CCDC174: variants seen among roughly 807,000 people sequenced by gnomAD.
The protein encoded by CCDC174 is coiled-coil domain containing 174, also known as coiled-coil domain-containing protein 174.
CCDC174 carries 37 observed loss-of-function variants against 57.1 expected under a neutral mutation model. The ratio of observed to expected loss-of-function variants is 0.65; its 90% CI spans 0.50 to 0.85. The LOEUF is 0.85. Among genes scored for constraint, CCDC174 ranks in the 40% least tolerant of loss-of-function variants. The pLI, the probability that CCDC174 is intolerant of heterozygous loss-of-function variation, is 0.00. For missense variants in CCDC174, 540 were observed against 574.3 expected, an observed-to-expected ratio of 0.94 and a Z score of 0.61; for synonymous variants, 182 against 190.2, an observed-to-expected ratio of 0.96 and a Z score of 0.35.
intron 8 of CCDC174, 187 bp from the exon 9 acceptor site, chr3:14,667,862 G>C (rs531494161): frequency 3.3e-6 from 2 of 599,866 alleles, no homozygotes; most frequent in African/African-American, 3.7e-5. Flanking sequence ...ATGAAACTTT[G>C]TAAGACATCA....
At chr3:14,664,356 A>G (rs894925301) in intron 5 of CCDC174, among the ~76,000 whole-genome samples, 23 of 152,206 alleles carry the variant, frequency 1.5e-4, no homozygotes, top group African/African-American at 5.5e-4. Context: ...GTCATAATAC[A>G]AATGAGATGT....
intron 4 of CCDC174, 81 bp from the exon 5 acceptor site, chr3:14,661,449 G>T (rs1161024846): frequency 3.3e-6 from 4 of 1,215,432 alleles, no homozygotes; most frequent in Non-Finnish European, 4.7e-6. Flanking sequence ...GGGGCCACCA[G>T]GCAATGAATG....
chr3:14,669,787 C>T (rs1283927111), intron 9 of CCDC174, 147 bp from the exon 10 acceptor site: 1 of 694,076 alleles, frequency 1.4e-6, no homozygotes, highest in Non-Finnish European at 2.4e-6. Flanking sequence ...CTGTTGTATA[C>T]AAAAGACTTA....
intron 9 of CCDC174, among the ~76,000 whole-genome samples, chr3:14,669,398 G>A (rs746724955): frequency 1.3e-5 from 2 of 152,196 alleles, no homozygotes; most frequent in Non-Finnish European, 2.9e-5. Context: ...CTGAACATCT[G>A]TCATGTCCAG....
chr3:14,653,161 G>A (rs988452941), intron 1 of CCDC174, among the ~76,000 whole-genome samples: 3 of 152,184 alleles, frequency 2.0e-5, no homozygotes, highest in African/African-American at 7.2e-5. Flanking sequence ...TTGAAGATCA[G>A]GAACCAGAAA....
At chr3:14,661,482 T>C (rs1559381023) in intron 4 of CCDC174, 48 bp from the exon 5 acceptor site, 4 of 1,517,210 alleles carry the variant, frequency 2.6e-6, no homozygotes, top group Admixed American at 3.8e-5. Context: ...GTCCATTCCA[T>C]GTGTGATTTT....
Position 14,665,038 on chromosome 3 carries a change from G to C in CCDC174, c.496G>C (p.Val166Leu). ...TTGCTTTCATTTCAGGGTGGATTAC[G>C]TGGACTCTTTGGGGCGTTCCCGGCG... is the stretch of plus-strand genomic sequence containing the variant. ...QDPSEEWVDY[V>L]DSLGRSRRCM... The change falls in exon 6 of 11, where the codon GTG (valine) becomes CTG (leucine). Residue 166 changes from valine to leucine, a missense_variant. Coordinates refer to ENST00000383794, the MANE Select transcript of CCDC174 (RefSeq NM_016474.5). 1 of 1,613,460 alleles carries C rather than the reference G, an allele frequency of 6.2e-7. No homozygotes were observed. Among genetic ancestry groups the C allele is most frequent in the South Asian group, 1.1e-5 (1 of 91,066 alleles).
chr3:14,653,565 G>T (rs1449394353), intron 1 of CCDC174, among the ~76,000 whole-genome samples: 2 of 152,304 alleles, frequency 1.3e-5, no homozygotes, highest in East Asian at 3.9e-4. Context: ...CATATAAGCA[G>T]CTGTACCTGG....
At position 14,651,854 on chromosome 3, in the gene CCDC174, G is replaced by C; in HGVS notation, c.18G>C (p.Lys6Asn). 2 of 1,614,136 alleles carry C rather than the reference G, an allele frequency of 1.2e-6. No homozygotes were observed. Among genetic ancestry groups the C allele is most frequent in the African/African-American group, 1.3e-5 (1 of 75,040 alleles). Residue 6 changes from lysine to asparagine, a missense_variant, in exon 1 of 11, where the codon AAG becomes AAC. Lys to Asn is a moderately conservative substitution (Grantham distance 94, BLOSUM62 0). Coordinates refer to ENST00000383794, the MANE Select transcript of CCDC174 (RefSeq NM_016474.5). Reference sequence around the variant, plus strand: ...CCACGACCATGGACCGTAGGAAAAAGCCTTTGGACGTCACGGCCTCCTCGG... The same window carrying C: ...CCACGACCATGGACCGTAGGAAAAACCCTTTGGACGTCACGGCCTCCTCGG... Reference protein sequence around the residue: MDRRKKPLDVTASSLV... With the variant: MDRRKNPLDVTASSLV...
In CCDC174 at chr3:14,671,007, C is replaced by T; in HGVS notation, c.1217C>T (p.Ser406Phe). The change falls in exon 11 of 11, where the codon TCC becomes TTC. Residue 406 changes from serine (S) to phenylalanine (F), a missense_variant. Coordinates refer to ENST00000383794, the MANE Select transcript of CCDC174 (RefSeq NM_016474.5). The part of the protein sequence containing the change: ...YFVGQKRTGF[S>F]SSQAWSRPGP... Reference sequence around the variant, plus strand: ...GTGGGTCAGAAGAGAACTGGTTTTTCCAGCAGCCAGGCATGGAGCAGACCT... The same window carrying T: ...GTGGGTCAGAAGAGAACTGGTTTTTTCAGCAGCCAGGCATGGAGCAGACCT... 3 of 1,614,150 alleles carry T rather than the reference C, an allele frequency of 1.9e-6. No homozygotes were observed. The highest frequency in any genetic ancestry group is 2.5e-6 in the Non-Finnish European group (3 of 1,180,020).
intron 3 of CCDC174, among the ~76,000 whole-genome samples, chr3:14,657,424 G>T (rs1430935677): frequency 6.6e-6 from 1 of 152,238 alleles, no homozygotes. Context: ...CTTAGAGGTT[G>T]CAGGCAGTGT....
intron 2 of CCDC174, 107 bp downstream of exon 2, chr3:14,654,637 G>A: frequency 3.7e-6 from 2 of 543,348 alleles, no homozygotes; most frequent in Non-Finnish European, 3.3e-6. Flanking sequence ...TAAATGTTAA[G>A]GAAAAATCTC....
At chr3:14,655,884 A>AT (rs1054802288) in intron 3 of CCDC174, among the ~76,000 whole-genome samples, 2 of 152,186 alleles carry the variant, frequency 1.3e-5, no homozygotes, top group Non-Finnish European at 2.9e-5. Flanking sequence ...TTATCAATAC[A>AT]TTTTTAAGAG....
Position 14,658,907 on chromosome 3 carries a change from A to G in CCDC174, c.285A>G (p.Lys95=). The change falls in exon 4 of 11, where the codon AAA becomes AAG. Residue 95 remains lysine, a synonymous_variant. Transcript: ENST00000383794. ...AAGAAAAAGCCAAATTATATGAAAA[A>G]ATGACTAAAGGAGACTTTATAGGTA... ...KLEEKAKLYE[K]MTKGDFIDEE... is the part of the protein sequence containing the mutation. The G allele has an allele frequency of 6.5e-7, 1 of 1,530,242 alleles. No individual in the cohort carries two copies. Among genetic ancestry groups the G allele is most frequent in the South Asian group, 1.1e-5 (1 of 89,538 alleles). 94.8% of individuals were successfully genotyped at this position (1,530,242 alleles called of 1,614,324 possible).
Position 14,669,911 on chromosome 3 carries a change from T to C in CCDC174, c.953-23T>C, listed in dbSNP as rs533273248. 9.3e-6 allele frequency: 15 copies of C among 1,612,160 alleles called. No individual in the cohort carries two copies. The South Asian group carries it at 1.3e-4, about 14-fold the overall frequency. ...AGCTTTAGGCTTTTTTATAACAGTG[T>C]CTTATTCTTTTACAAAAAATAGATG... On this transcript the variant is annotated intron_variant, in intron 9 of 10. Transcript: ENST00000383794.
At chr3:14,669,502 C>G (rs2031448650) in intron 9 of CCDC174, among the ~76,000 whole-genome samples, 1 of 152,130 alleles carries the variant, frequency 6.6e-6, no homozygotes, top group Admixed American at 6.5e-5. Context: ...ACACCAGACC[C>G]CAGCTGTTCA....
chr3:14,658,878 T>A lies in CCDC174; in HGVS notation c.256T>A (p.Leu86Met). Reference sequence around the variant, plus strand: ...GTATTTTTTTTCTCCTAGGGAAAAATTGGAAGAAAAAGCCAAATTATATGA... The same window carrying A: ...GTATTTTTTTTCTCCTAGGGAAAAAATGGAAGAAAAAGCCAAATTATATGA... ...QKTLDKAREK[L>M]EEKAKLYEKM... The change falls in exon 4 of 11, where the codon TTG (leucine) becomes ATG (methionine). Residue 86 changes from leucine (L) to methionine (M), a missense_variant. Coordinates refer to ENST00000383794, the MANE Select transcript of CCDC174 (RefSeq NM_016474.5). The A allele has an allele frequency of 6.5e-7, 1 of 1,542,356 alleles. No homozygotes were observed. The highest frequency in any genetic ancestry group is 1.1e-5 in the South Asian group (1 of 89,796).
Position 14,667,123 on chromosome 3 carries a change from A to C in CCDC174, c.724+176A>C, listed in dbSNP as rs2031368763. On this transcript the variant is annotated intron_variant, in intron 7 of 10. Transcript: ENST00000383794. ...TAGCCTTAAAATACTCACATTTGGG[A>C]ATATCTTCCTGACAGAGGGTCTGGT... The C allele has an allele frequency of 7.7e-6, 5 of 646,386 alleles. No homozygotes were observed. In the South Asian group the frequency reaches 1.1e-4, roughly 14 times the overall value. The allele number at this position is 646,386 out of a possible 1,614,324, so 40.0% of individuals were successfully genotyped here. A position where few individuals can be genotyped will look rare whatever the true frequency, so the allele number is the denominator to read the frequency against.
At chr3:14,654,648 T>G in intron 2 of CCDC174, 118 bp downstream of exon 2, 1 of 530,298 alleles carries the variant, frequency 1.9e-6, no homozygotes, top group Non-Finnish European at 3.4e-6. Context: ...GAAAAATCTC[T>G]ATCTTGTATT....
Sources: allele counts gnomAD v4.1 joint callset (sites outside exome capture counted in the v4.1 genomes callset), GRCh38; gene constraint gnomAD v4.1.1; transcripts MANE v1.5; gene names NCBI Gene and HGNC (gene_info 2026-07-23, HGNC 2026-07-21).